The following FAM193A variants were observed in gnomAD, a reference collection of about 807,000 sequenced individuals.
The protein encoded by FAM193A is family with sequence similarity 193 member A.
Under a neutral mutation model 126.5 loss-of-function variants are expected in FAM193A, and 22 were observed. That is an observed-to-expected ratio of 0.17 (90% CI 0.12 to 0.25). The LOEUF (loss-of-function observed/expected upper bound fraction) is 0.25. Among genes scored for constraint, FAM193A ranks in the 10% least tolerant of loss-of-function variants. FAM193A has a pLI of 1.00. For synonymous variants in FAM193A, 761 were observed against 646.8 expected (o/e 1.18, Z -2.68); for missense variants, 1,675 against 1,672.8 (o/e 1.00, Z -0.02).
chr4:2,701,778 A>AT (rs747065399), intron 19 of FAM193A, among the ~76,000 whole-genome samples: 11,046 of 142,660 alleles, frequency 0.077, 702 homozygotes, highest in African/African-American at 0.17. Context: ...TCATATGGTG[A>AT]TTTTTTTTTT....
rs533269812 is a variant in FAM193A at position 2,545,924 on chromosome 4, C to T, written c.255+8754C>T. On this transcript the variant is annotated intron_variant, in intron 1 of 20. Coordinates refer to ENST00000637812, the MANE Select transcript of FAM193A (RefSeq NM_001366318.2). ...CAGCACTTTGGGAGGCTGAGGCGGG[C>T]GGATTATGAGGTCAGGAGTTTGAGA... Among the ~76,000 whole-genome samples, 9 of 152,070 alleles carry T rather than the reference C, an allele frequency of 5.9e-5. No homozygotes were observed. In the South Asian group the frequency reaches 8.3e-4, roughly 14 times the overall value.
At chr4:2,634,304 A>G (rs1320010181) in intron 5 of FAM193A, among the ~76,000 whole-genome samples, 1 of 152,192 alleles carries the variant, frequency 6.6e-6, no homozygotes, top group East Asian at 1.9e-4. Flanking sequence ...GTTACTTTAC[A>G]GTGGTCCAGG....
intron 1 of FAM193A, among the ~76,000 whole-genome samples, chr4:2,574,948 TGTG>T (rs1739500751): frequency 6.6e-6 from 1 of 152,194 alleles, no homozygotes; most frequent in Non-Finnish European, 1.5e-5. Flanking sequence ...GTGACCCGCC[TGTG>T]GGAAGGAGGC....
rs143525027 is a variant in FAM193A, at chr4:2,679,294, C to T, written c.2331+6922C>T. On this transcript the variant is annotated intron_variant, in intron 13 of 20. Coordinates refer to ENST00000637812, the MANE Select transcript of FAM193A (RefSeq NM_001366318.2). ...CATGGTGTATGAATCTTTTAATATG[C>T]TGCTGAATTCAGGTTGCTAGTATTT... 4.2e-4 allele frequency among the ~76,000 whole-genome samples: 64 copies of T among 151,424 alleles called. 1 individual carries two copies. In the East Asian group the frequency reaches 0.012, roughly 28 times the overall value.
At chr4:2,712,211 CGTAT>C in intron 19 of FAM193A, among the ~76,000 whole-genome samples, 1 of 151,874 alleles carries the variant, frequency 6.6e-6, no homozygotes, top group East Asian at 1.9e-4. Context: ...TATATATGTA[CGTAT>C]GTATTTACAT....
chr4:2,687,765 T>C (rs1209546101), intron 13 of FAM193A, among the ~76,000 whole-genome samples: 1 of 152,196 alleles, frequency 6.6e-6, no homozygotes, highest in East Asian at 1.9e-4. Flanking sequence ...GCTGACCAAA[T>C]CATCTCACTC....
At chr4:2,723,260 C>T (rs1020239397) in intron 20 of FAM193A, among the ~76,000 whole-genome samples, 8 of 151,318 alleles carry the variant, frequency 5.3e-5, no homozygotes, top group Non-Finnish European at 1.0e-4. Context: ...GGCAACAGAG[C>T]GAGACTCTGT....
At chr4:2,679,577 A>G (rs1341086202) in intron 13 of FAM193A, among the ~76,000 whole-genome samples, 3 of 151,530 alleles carry the variant, frequency 2.0e-5, no homozygotes, top group Non-Finnish European at 2.9e-5. Context: ...CAGGGTTTCT[A>G]CATGTTGGTC....
At chr4:2,652,905 C>T (rs932451311) in intron 7 of FAM193A, among the ~76,000 whole-genome samples, 1 of 152,234 alleles carries the variant, frequency 6.6e-6, no homozygotes, top group Non-Finnish European at 1.5e-5. Flanking sequence ...CTGTGCCAAA[C>T]CCCGTGTGGC....
At chr4:2,538,950 G>T (rs529721467) in intron 1 of FAM193A, among the ~76,000 whole-genome samples, 1 of 151,984 alleles carries the variant, frequency 6.6e-6, no homozygotes. Context: ...GAGTGCAGTG[G>T]TGCGATCTTG....
At chr4:2,557,271 A>G (rs988074581) in intron 1 of FAM193A, among the ~76,000 whole-genome samples, 1 of 152,186 alleles carries the variant, frequency 6.6e-6, no homozygotes, top group Admixed American at 6.6e-5. Context: ...GATCACAGGT[A>G]ACTCAAACCA....
intron 8 of FAM193A, 51 bp downstream of exon 8, chr4:2,657,931 A>G (rs755605254): frequency 6.6e-5 from 80 of 1,204,270 alleles, no homozygotes; most frequent in Non-Finnish European, 9.1e-5. Flanking sequence ...ATCTGTCCTG[A>G]CAGCAAATGA....
At chr4:2,660,645 A>C (rs1712322156) in intron 10 of FAM193A, among the ~76,000 whole-genome samples, 1 of 152,176 alleles carries the variant, frequency 6.6e-6, no homozygotes, top group Non-Finnish European at 1.5e-5. Flanking sequence ...GCTTAGGTTT[A>C]GTTTACGTGT....
intron 1 of FAM193A, among the ~76,000 whole-genome samples, chr4:2,567,698 C>T (rs1029263614): frequency 1.3e-5 from 2 of 152,080 alleles, no homozygotes; most frequent in Non-Finnish European, 1.5e-5. Context: ...TCTGCGTTAC[C>T]AGTAGGAGTT....
intron 13 of FAM193A, among the ~76,000 whole-genome samples, chr4:2,678,784 A>G (rs1186599459): frequency 6.6e-6 from 1 of 152,158 alleles, no homozygotes; most frequent in African/African-American, 2.4e-5. Flanking sequence ...GTATCTTCCT[A>G]CTTTGCTGAA....
chr4:2,656,235 G>A (rs1233646001), intron 7 of FAM193A, among the ~76,000 whole-genome samples: 2 of 152,160 alleles, frequency 1.3e-5, no homozygotes, highest in East Asian at 3.8e-4. Flanking sequence ...TAAATTTTCT[G>A]TCCCATGAAG....
chr4:2,584,490 A>G (rs566406409), intron 1 of FAM193A, among the ~76,000 whole-genome samples: 2 of 152,106 alleles, frequency 1.3e-5, no homozygotes, highest in East Asian at 1.9e-4. Flanking sequence ...ATAAAAATGC[A>G]TAAAAGTAAT....
chr4:2,563,534 A>G (rs897973214), intron 1 of FAM193A, among the ~76,000 whole-genome samples: 1 of 150,438 alleles, frequency 6.6e-6, no homozygotes, highest in Non-Finnish European at 1.5e-5. Flanking sequence ...ACAAAAAAAA[A>G]CAAAAAAAAA....
At chr4:2,570,317 C>T (rs1191279663) in intron 1 of FAM193A, among the ~76,000 whole-genome samples, 1 of 152,068 alleles carries the variant, frequency 6.6e-6, no homozygotes, top group Non-Finnish European at 1.5e-5. Flanking sequence ...TGTAAGAAAG[C>T]AGTACATTCT....
Sources: allele counts gnomAD v4.1 joint callset (sites outside exome capture counted in the v4.1 genomes callset), GRCh38; gene constraint gnomAD v4.1.1; transcripts MANE v1.5; gene names NCBI Gene and HGNC (gene_info 2026-07-23, HGNC 2026-07-21).